Variants in TAF3 observed in about 807,000 individuals in gnomAD.
TAF3 encodes TATA-box binding protein associated factor 3, also known as transcription initiation factor TFIID subunit 3.
A neutral mutation model predicts 80.6 loss-of-function variants in TAF3; 7 were observed. That is an observed-to-expected ratio of 0.09 (90% confidence interval 0.05 to 0.16). TAF3 has a LOEUF of 0.16. Ranked by LOEUF, TAF3 falls within the 10% of genes least tolerant of loss-of-function variation. The probability of loss-of-function intolerance (pLI) is 1.00; values close to 1 mark genes in which losing one functional copy is unlikely to be tolerated. For synonymous variants in TAF3, 444 were observed against 446.1 expected (o/e 1.00, Z 0.06); for missense variants, 921 against 1,140.2 (o/e 0.81, Z 2.77).
chr10:7,983,844 CAATAAATA>C (rs113211341), intron 4 of TAF3, among the ~76,000 whole-genome samples: 7 of 150,586 alleles, frequency 4.6e-5, no homozygotes, highest in South Asian at 2.1e-4. Context: ...GTCTCTAAAA[CAATAAATA>C]AATAAATAAA....
At chr10:7,878,453 G>T (rs982859688) in intron 2 of TAF3, among the ~76,000 whole-genome samples, 3 of 152,112 alleles carry the variant, frequency 2.0e-5, no homozygotes, top group African/African-American at 7.2e-5. Flanking sequence ...GAGGAGGGAG[G>T]GGTGACGGGA....
intron 2 of TAF3, among the ~76,000 whole-genome samples, chr10:7,871,329 T>C (rs181703983): frequency 6.6e-6 from 1 of 152,048 alleles, no homozygotes; most frequent in Admixed American, 6.6e-5. Context: ...TAAAACCAGA[T>C]ATTCTTACAG....
chr10:7,906,377 A>C lies in TAF3; in HGVS notation c.410-57543A>C, dbSNP rs114139221. Among the ~76,000 whole-genome samples the C allele has an allele frequency of 2.9e-3, 447 of 152,352 alleles. 3 individuals carry two copies. Among genetic ancestry groups the C allele is most frequent in the African/African-American group, 9.7e-3 (405 of 41,584 alleles). On this transcript the variant is annotated intron_variant, in intron 2 of 6. Transcript: ENST00000344293. The stretch of plus-strand genomic sequence containing the variant: ...ATTGCTTAGTGACAAAGCTATCAGA[A>C]ACAGGTGGTAACTACAGCTACATGA...
intron 1 of TAF3, among the ~76,000 whole-genome samples, chr10:7,821,307 T>G (rs1836688278): frequency 6.6e-6 from 1 of 152,236 alleles, no homozygotes; most frequent in Non-Finnish European, 1.5e-5. Context: ...AATCAAATTC[T>G]GTAGCTCCAG....
intron 2 of TAF3, among the ~76,000 whole-genome samples, chr10:7,882,926 A>G (rs1468533354): frequency 1.3e-5 from 2 of 152,342 alleles, no homozygotes; most frequent in South Asian, 2.1e-4. Context: ...ATGTAGATAC[A>G]TGTTATTTTT....
intron 2 of TAF3, among the ~76,000 whole-genome samples, chr10:7,854,061 G>T (rs1837054364): frequency 1.3e-5 from 2 of 152,212 alleles, no homozygotes; most frequent in South Asian, 4.1e-4. Flanking sequence ...TCAGCCAGTT[G>T]TTAAACATTT....
intron 2 of TAF3, among the ~76,000 whole-genome samples, chr10:7,860,804 C>CTTTT (rs371068019): frequency 4.2e-5 from 5 of 119,074 alleles, no homozygotes; most frequent in East Asian, 2.1e-4. Flanking sequence ...TTCTTTCTTT[C>CTTTT]TTTTTTTTTT....
chr10:7,852,776 A>C (rs1477898872), intron 2 of TAF3, among the ~76,000 whole-genome samples: 3 of 152,212 alleles, frequency 2.0e-5, no homozygotes, highest in African/African-American at 7.2e-5. Flanking sequence ...CACAAGCTGG[A>C]GTGCTTCTAT....
At chr10:8,006,955 T>C (rs1832000307) in intron 4 of TAF3, among the ~76,000 whole-genome samples, 1 of 152,178 alleles carries the variant, frequency 6.6e-6, no homozygotes, top group Non-Finnish European at 1.5e-5. Flanking sequence ...AAACAAGGCC[T>C]AAAGAATTGT....
At chr10:7,900,105 C>A (rs577854516) in intron 2 of TAF3, among the ~76,000 whole-genome samples, 6 of 152,044 alleles carry the variant, frequency 3.9e-5, no homozygotes, top group Non-Finnish European at 7.4e-5. Context: ...AAGCTTACAC[C>A]GAATGGTATA....
At chr10:7,995,166 T>C (rs906408281) in intron 4 of TAF3, among the ~76,000 whole-genome samples, 7 of 152,128 alleles carry the variant, frequency 4.6e-5, no homozygotes, top group African/African-American at 7.2e-5. Flanking sequence ...TAAAATACAT[T>C]TCACTATGGA....
rs1477939972 is a variant in TAF3 at position 7,818,784 on chromosome 10, G to C, written c.75G>C (p.Ser25=). The C allele has an allele frequency of 2.5e-6, 4 of 1,584,314 alleles. No homozygotes were observed. Among genetic ancestry groups the C allele is most frequent in the Admixed American group, 3.6e-5 (2 of 55,286 alleles). The change falls in exon 1 of 7, where the codon TCG becomes TCC. Residue 25 remains serine, a synonymous_variant. Coordinates refer to ENST00000344293, the MANE Select transcript of TAF3 (RefSeq NM_031923.4). ...AQICQALGWD[S]VQLSACHLLT... is the part of the protein sequence containing the mutation. ...TCTGCCAGGCGCTGGGCTGGGACTC[G>C]GTGCAGCTCAGCGCCTGCCACCTCC...
intron 2 of TAF3, among the ~76,000 whole-genome samples, chr10:7,871,047 C>T (rs2131145234): frequency 6.6e-6 from 1 of 152,144 alleles, no homozygotes; most frequent in South Asian, 2.1e-4. Context: ...CTAGACATAA[C>T]AGTTTATTTT....
chr10:7,861,725 C>T (rs1837150084), intron 2 of TAF3, among the ~76,000 whole-genome samples: 1 of 152,110 alleles, frequency 6.6e-6, no homozygotes, highest in African/African-American at 2.4e-5. Context: ...TGCTTTCAGG[C>T]CTTCCTGTTT....
intron 4 of TAF3, among the ~76,000 whole-genome samples, chr10:7,982,840 A>G (rs1831738560): frequency 6.6e-6 from 1 of 152,224 alleles, no homozygotes; most frequent in African/African-American, 2.4e-5. Flanking sequence ...AGGTGACCCA[A>G]AGGCATTTTT....
chr10:7,949,636 G>T (rs1002545672), intron 2 of TAF3, among the ~76,000 whole-genome samples: 1 of 152,222 alleles, frequency 6.6e-6, no homozygotes, highest in Non-Finnish European at 1.5e-5. Flanking sequence ...GTAAAATTCC[G>T]TTGATCCTGA....
chr10:7,910,652 A>C (rs1425491543), intron 2 of TAF3, among the ~76,000 whole-genome samples: 1 of 152,192 alleles, frequency 6.6e-6, no homozygotes, highest in African/African-American at 2.4e-5. Flanking sequence ...AAGTGCTGGG[A>C]TTACAGGTGT....
chr10:7,987,355 A>G (rs997059530), intron 4 of TAF3, among the ~76,000 whole-genome samples: 1 of 152,080 alleles, frequency 6.6e-6, no homozygotes, highest in Non-Finnish European at 1.5e-5. Flanking sequence ...TATCTTACAC[A>G]TACTGTTCAG....
At chr10:7,956,175 T>G (rs149506987) in intron 2 of TAF3, among the ~76,000 whole-genome samples, 1 of 152,162 alleles carries the variant, frequency 6.6e-6, no homozygotes, top group Admixed American at 6.5e-5. Context: ...TTTCTACGTT[T>G]GAAATTATTT....
Sources: allele counts gnomAD v4.1 joint callset (sites outside exome capture counted in the v4.1 genomes callset), GRCh38; gene constraint gnomAD v4.1.1; transcripts MANE v1.5; gene names NCBI Gene and HGNC (gene_info 2026-07-23, HGNC 2026-07-21).